Variants in CCND3 observed in about 807,000 individuals in gnomAD.
CCND3 encodes the protein G1/S-specific cyclin-D3.
CCND3 carries 9 observed loss-of-function variants against 28.7 expected under a neutral mutation model. The ratio of observed to expected loss-of-function variants is 0.31; its 90% CI spans 0.19 to 0.55. The LOEUF (loss-of-function observed/expected upper bound fraction) is 0.55. CCND3 is among the 20% of genes least tolerant of loss of function. The pLI, the probability that CCND3 is intolerant of heterozygous loss-of-function variation, is 0.93. For missense variants in CCND3, 315 were observed against 385.8 expected (o/e 0.82, Z 1.54); for synonymous variants, 164 against 163.9 (o/e 1.00, Z 0.00).
chr6:41,987,028 T>C (rs1303785443), intron 1 of CCND3, among the ~76,000 whole-genome samples: 1 of 152,100 alleles, frequency 6.6e-6, no homozygotes, highest in Non-Finnish European at 1.5e-5. Flanking sequence ...CATTTTTGAA[T>C]AGTCATTACT....
At chr6:42,027,044 T>C (rs757517105) in intron 1 of CCND3, among the ~76,000 whole-genome samples, 1 of 152,184 alleles carries the variant, frequency 6.6e-6, no homozygotes, top group Non-Finnish European at 1.5e-5. Flanking sequence ...AAGATGCTGA[T>C]GGGTAAAGGC....
chr6:41,977,898 T>C (rs953932467), intron 1 of CCND3, among the ~76,000 whole-genome samples: 1 of 152,014 alleles, frequency 6.6e-6, no homozygotes, highest in Admixed American at 6.6e-5. Flanking sequence ...TTACTAAAAG[T>C]ACAAAGATTA....
chr6:41,949,276 G>A (rs971952012), intron 1 of CCND3, among the ~76,000 whole-genome samples: 17 of 151,892 alleles, frequency 1.1e-4, no homozygotes, highest in Admixed American at 7.2e-4. Flanking sequence ...GAGGCCAGTC[G>A]TTCAAGACCA....
intron 1 of CCND3, among the ~76,000 whole-genome samples, chr6:42,034,034 G>A (rs77028264): frequency 1.5e-4 from 23 of 152,076 alleles, no homozygotes; most frequent in East Asian, 7.7e-4. Context: ...GGCATGCACC[G>A]GTAGTCTTAG....
intron 1 of CCND3, among the ~76,000 whole-genome samples, chr6:41,958,129 TG>T (rs1384000869): frequency 2.0e-5 from 3 of 151,670 alleles, no homozygotes; most frequent in Admixed American, 1.3e-4. Context: ...CCTGAGTAGC[TG>T]GGACTACAGT....
At chr6:41,985,521 G>C (rs1256583338) in intron 1 of CCND3, among the ~76,000 whole-genome samples, 1 of 151,884 alleles carries the variant, frequency 6.6e-6, no homozygotes, top group Non-Finnish European at 1.5e-5. Context: ...CACCATGTTG[G>C]CCAGGCTGGT....
intron 1 of CCND3, among the ~76,000 whole-genome samples, chr6:41,988,674 AT>A (rs1481123777): frequency 6.6e-6 from 1 of 150,582 alleles, no homozygotes; most frequent in Non-Finnish European, 1.5e-5. Flanking sequence ...TTATGAAAAA[AT>A]AATTGATAAG....
chr6:41,997,167 T>G (rs1449916203), intron 1 of CCND3, among the ~76,000 whole-genome samples: 1 of 152,172 alleles, frequency 6.6e-6, no homozygotes, highest in African/African-American at 2.4e-5. Context: ...CTTCCTAGCT[T>G]GAATGCTGTT....
rs192171338 is a variant in CCND3 at position 41,979,043 on chromosome 6, T to C, written c.-45-38458A>G. 3.0e-3 allele frequency among the ~76,000 whole-genome samples: 455 copies of C among 151,788 alleles called. 2 individuals carry two copies. Among genetic ancestry groups the C allele is most frequent in the African/African-American group, 0.011 (440 of 41,396 alleles). On this transcript the variant is annotated intron_variant, in intron 1 of 4. Transcript: ENST00000372988. Reference sequence around the variant, plus strand: ...AAAATTAGCTGGGTGTGGTAGTGCATGCCTGTAATCCGAGCTACTTGGGAG... The same window carrying C: ...AAAATTAGCTGGGTGTGGTAGTGCACGCCTGTAATCCGAGCTACTTGGGAG...
At chr6:42,031,875 C>T (rs1302351359) in intron 1 of CCND3, among the ~76,000 whole-genome samples, 2 of 150,972 alleles carry the variant, frequency 1.3e-5, no homozygotes, top group East Asian at 1.9e-4. Flanking sequence ...CTGCAACCTC[C>T]GCCTCCTGGG....
At chr6:42,023,721 A>ACCCG (rs1763782025) in intron 1 of CCND3, among the ~76,000 whole-genome samples, 1 of 151,146 alleles carries the variant, frequency 6.6e-6, no homozygotes, top group African/African-American at 2.4e-5. Flanking sequence ...TCTATTAAAC[A>ACCCG]CTAAGTACAA....
Position 41,960,333 on chromosome 6 carries a change from T to C in CCND3, c.-45-19748A>G, listed in dbSNP as rs552763023. Among the ~76,000 whole-genome samples, 12 of 152,330 alleles carry C rather than the reference T, an allele frequency of 7.9e-5. No individual in the cohort carries two copies. The East Asian group carries it at 2.3e-3, about 29-fold the overall frequency. ...GATTATGGTAGTAGCTACATAGCTCTGTAAGCATGCTAAAAACTAAAAAGA... is the reference window on the plus strand; with the variant it reads ...GATTATGGTAGTAGCTACATAGCTCCGTAAGCATGCTAAAAACTAAAAAGA... On this transcript the variant is annotated intron_variant, in intron 1 of 4. Transcript: ENST00000372988.
intron 1 of CCND3, among the ~76,000 whole-genome samples, chr6:42,036,392 TA>T (rs1764212727): frequency 2.3e-5 from 1 of 44,310 alleles, no homozygotes; most frequent in African/African-American, 8.9e-5. Flanking sequence ...TATATATATA[TA>T]TATATATATA....
chr6:41,994,000 AGTGGATATTACTTAGT>A (rs1477180072), intron 1 of CCND3, among the ~76,000 whole-genome samples: 7 of 149,488 alleles, frequency 4.7e-5, no homozygotes, highest in Non-Finnish European at 7.4e-5. Flanking sequence ...AGAAAACTTA[AGTGGATATTACTTAGT>A]GAAGAATGCC....
rs368879638 is a variant in CCND3, at chr6:42,016,851, C to T, written c.-46+31650G>A. Among the ~76,000 whole-genome samples the T allele has an allele frequency of 3.5e-4, 53 of 152,310 alleles. No homozygotes were observed. In the South Asian group the frequency reaches 0.011, roughly 30 times the overall value. ...CCAACCACCATGGCCTTCCAAAGTG[C>T]TGGGATTACAGGTGTGAGCCACCAC... On this transcript the variant is annotated intron_variant, in intron 1 of 4. Coordinates refer to the CCND3 transcript ENST00000372988.
intron 1 of CCND3, among the ~76,000 whole-genome samples, chr6:42,029,659 G>GA (rs1336878721): frequency 6.6e-6 from 1 of 151,990 alleles, no homozygotes; most frequent in African/African-American, 2.4e-5. Flanking sequence ...CCAACTTGGT[G>GA]AAACCCCATC....
chr6:41,976,830 G>T (rs1762198931), intron 1 of CCND3, among the ~76,000 whole-genome samples: 2 of 152,082 alleles, frequency 1.3e-5, no homozygotes, highest in African/African-American at 4.8e-5. Flanking sequence ...ACGCCTCCTG[G>T]CCCACAGCAC....
chr6:42,027,149 A>AC (rs1379636099), intron 1 of CCND3, among the ~76,000 whole-genome samples: 9 of 152,116 alleles, frequency 5.9e-5, no homozygotes, highest in Non-Finnish European at 2.9e-5. Context: ...GGTGGTTAAG[A>AC]CACCACTAGG....
intron 1 of CCND3, among the ~76,000 whole-genome samples, chr6:42,043,709 G>T (rs1392162135): frequency 6.6e-6 from 1 of 152,088 alleles, no homozygotes; most frequent in Non-Finnish European, 1.5e-5. Context: ...AAAAAATCAG[G>T]GTGTCCTTGC....
Sources: gnomAD v4.1 joint callset for allele counts (sites outside exome capture counted in the v4.1 genomes callset) on GRCh38, gnomAD v4.1.1 for gene constraint, MANE v1.5 for transcripts, NCBI Gene and HGNC (gene_info 2026-07-23, HGNC 2026-07-21) for gene names.